AKR1C3: variants seen among roughly 807,000 people sequenced by gnomAD.
AKR1C3 encodes 3-alpha hydroxysteroid dehydrogenase, type II.
AKR1C3 carries 48 observed loss-of-function variants against 43.6 expected under a neutral mutation model. The ratio of observed to expected loss-of-function variants is 1.10; its 90% CI spans 0.87 to 1.40. The LOEUF (loss-of-function observed/expected upper bound fraction) is 1.40. Ranked by LOEUF, AKR1C3 falls within the 40% of genes most tolerant of loss-of-function variation. AKR1C3 has a pLI of 0.00. For synonymous variants in AKR1C3, 162 were observed against 139.6 expected (o/e 1.16, Z -1.13); for missense variants, 482 against 391.2 (o/e 1.23, Z -1.96).
At chr10:5,058,565 C>A (rs782032519) in intron 1 of AKR1C3, among the ~76,000 whole-genome samples, 2 of 152,104 alleles carry the variant, frequency 1.3e-5, no homozygotes, top group Non-Finnish European at 2.9e-5. Flanking sequence ...TTGTTTCTCC[C>A]CCTGCCCAAG....
intron 7 of AKR1C3, 192 bp from the exon 8 acceptor site, chr10:5,105,403 A>G: frequency 2.1e-6 from 1 of 486,038 alleles, no homozygotes; most frequent in Non-Finnish European, 3.7e-6. Context: ...TCAATACATA[A>G]TATCTAGGAA....
intron 1 of AKR1C3, among the ~76,000 whole-genome samples, chr10:5,055,992 T>C (rs1288156288): frequency 6.6e-6 from 1 of 152,184 alleles, no homozygotes; most frequent in Non-Finnish European, 1.5e-5. Flanking sequence ...AGATTAGGCC[T>C]AGATATTTGA....
intron 3 of AKR1C3, chr10:5,097,915 A>C (rs1839248747): frequency 1.9e-6 from 2 of 1,062,956 alleles, no homozygotes. Context: ...CATGTGATGC[A>C]CAATGAGTTT....
At chr10:5,069,190 A>G (rs1055959581) in intron 1 of AKR1C3, among the ~76,000 whole-genome samples, 3 of 152,186 alleles carry the variant, frequency 2.0e-5, no homozygotes, top group African/African-American at 4.8e-5. Context: ...GAGACCAGAG[A>G]CTAACTGGTA....
At chr10:5,090,666 C>A (rs782174335), upstream of AKR1C3, among the ~76,000 whole-genome samples, 1 of 152,064 alleles carries the variant, frequency 6.6e-6, no homozygotes, top group Non-Finnish European at 1.5e-5. Context: ...TTGGTGTCAT[C>A]TGGTTGGGTC....
Position 5,107,591 on chromosome 10 carries a change from C to T in AKR1C3, c.*88C>T. 4 of 1,055,992 alleles carry T rather than the reference C, an allele frequency of 3.8e-6. No individual in the cohort carries two copies. Among genetic ancestry groups the T allele is most frequent in the South Asian group, 1.4e-5 (1 of 73,532 alleles). The allele number at this position is 1,055,992 out of a possible 1,614,324, so 65.4% of individuals were successfully genotyped here. On this transcript the variant is annotated 3_prime_UTR_variant, in exon 9 of 9. Transcript: ENST00000380554. ...TCTCTATGCCGGTGACTGGACATAT[C>T]ACCTCTACTTAAATCCGTCCTGTTT...
At chr10:5,082,467 T>C (rs918472446) in intron 1 of AKR1C3, among the ~76,000 whole-genome samples, 2 of 152,140 alleles carry the variant, frequency 1.3e-5, no homozygotes, top group African/African-American at 4.8e-5. Flanking sequence ...TCCCTTGATG[T>C]CTAGTTTACT....
chr10:5,107,291 T>C (rs1839530928), intron 8 of AKR1C3, among the ~76,000 whole-genome samples, 170 bp from the exon 9 acceptor site: 1 of 152,232 alleles, frequency 6.6e-6, no homozygotes, highest in African/African-American at 2.4e-5. Flanking sequence ...TAATTTATTA[T>C]TTTGAAAATA....
In AKR1C3 at chr10:5,099,380, C is replaced by T. The variant is rs782171165; in HGVS notation, c.501C>T (p.Asn167=). Reference sequence around the variant, plus strand: ...TGGCCAAGTCCATTGGGGTGTCAAACTTCAACCGCAGGCAGCTGGAGATGA... The same window carrying T: ...TGGCCAAGTCCATTGGGGTGTCAAATTTCAACCGCAGGCAGCTGGAGATGA... ...AGLAKSIGVS[N]FNRRQLEMIL... The change falls in exon 5 of 9, where the codon AAC becomes AAT. Residue 167 remains asparagine (N), a synonymous_variant. Coordinates refer to ENST00000380554, the MANE Select transcript of AKR1C3 (RefSeq NM_003739.6). The T allele has an allele frequency of 6.2e-7, 1 of 1,614,168 alleles. No homozygotes were observed. The highest frequency in any genetic ancestry group is 8.5e-7 in the Non-Finnish European group (1 of 1,180,040).
At chr10:5,089,459 T>C (rs1839039119), upstream of AKR1C3, among the ~76,000 whole-genome samples, 1 of 152,138 alleles carries the variant, frequency 6.6e-6, no homozygotes, top group South Asian at 2.1e-4. Context: ...TTTTCTTTTT[T>C]AAATTTCTGA....
intron 1 of AKR1C3, among the ~76,000 whole-genome samples, chr10:5,086,545 AT>A (rs1838969325): frequency 6.6e-6 from 1 of 151,742 alleles, no homozygotes; most frequent in South Asian, 2.1e-4. Flanking sequence ...AAAAGAATGT[AT>A]GTTCTATTGA....
intron 1 of AKR1C3, among the ~76,000 whole-genome samples, chr10:5,073,714 A>G (rs1838656222): frequency 6.6e-6 from 1 of 152,204 alleles, no homozygotes; most frequent in South Asian, 2.1e-4. Flanking sequence ...CCATGACTGT[A>G]TTTTGGTATT....
chr10:5,055,740 C>T (rs1838247729), intron 1 of AKR1C3, among the ~76,000 whole-genome samples: 2 of 152,132 alleles, frequency 1.3e-5, no homozygotes, highest in Non-Finnish European at 2.9e-5. Flanking sequence ...CTAGGGCCTG[C>T]TTTAAGGTTT....
At chr10:5,086,620 C>G (rs550155980) in intron 1 of AKR1C3, among the ~76,000 whole-genome samples, 1 of 152,056 alleles carries the variant, frequency 6.6e-6, no homozygotes, top group Non-Finnish European at 1.5e-5. Flanking sequence ...AGTTCAATTC[C>G]TGGGTATCCT....
intron 1 of AKR1C3, among the ~76,000 whole-genome samples, chr10:5,074,181 A>C (rs1554781582): frequency 6.6e-6 from 1 of 152,110 alleles, no homozygotes; most frequent in African/African-American, 2.4e-5. Context: ...TTGATGTCTC[A>C]TGTCTCCCTA....
chr10:5,089,717 T>C (rs1269881243), upstream of AKR1C3, among the ~76,000 whole-genome samples: 1 of 152,168 alleles, frequency 6.6e-6, no homozygotes, highest in African/African-American at 2.4e-5. Context: ...TACTTTGAAT[T>C]CTATACCTGA....
rs1839540921 is a variant in AKR1C3, at chr10:5,107,584, G to A, written c.*81G>A. ...GAGGACGTCTCTATGCCGGTGACTG[G>A]ACATATCACCTCTACTTAAATCCGT... On this transcript the variant is annotated 3_prime_UTR_variant, in exon 9 of 9. Coordinates refer to ENST00000380554, the MANE Select transcript of AKR1C3 (RefSeq NM_003739.6). 1 of 1,129,634 alleles carries A rather than the reference G, an allele frequency of 8.9e-7. No individual in the cohort carries two copies. Among genetic ancestry groups the A allele is most frequent in the African/African-American group, 1.6e-5 (1 of 64,030 alleles). The allele number at this position is 1,129,634 out of a possible 1,614,324, so 70.0% of individuals were successfully genotyped here. A position where few individuals can be genotyped will look rare whatever the true frequency, so the allele number is the denominator to read the frequency against.
chr10:5,083,417 T>A (rs1380571791), intron 1 of AKR1C3, among the ~76,000 whole-genome samples: 3 of 152,242 alleles, frequency 2.0e-5, no homozygotes, highest in Non-Finnish European at 4.4e-5. Context: ...TCATCATTTT[T>A]TATGGCTGCA....
At chr10:5,059,320 A>T (rs1838329685) in intron 1 of AKR1C3, among the ~76,000 whole-genome samples, 1 of 152,224 alleles carries the variant, frequency 6.6e-6, no homozygotes, top group Non-Finnish European at 1.5e-5. Context: ...GAAGAGAGTC[A>T]AGAGAAAGTT....
Sources: gnomAD v4.1 joint callset for allele counts (sites outside exome capture counted in the v4.1 genomes callset) on GRCh38, gnomAD v4.1.1 for gene constraint, MANE v1.5 for transcripts, NCBI Gene and HGNC (gene_info 2026-07-23, HGNC 2026-07-21) for gene names.